The following TF variants were observed in gnomAD, a reference collection of about 807,000 sequenced individuals.
The protein encoded by TF is serotransferrin.
A neutral mutation model predicts 82.4 loss-of-function variants in TF; 55 were observed. That is an observed-to-expected ratio of 0.67 (90% confidence interval 0.54 to 0.84). TF has a LOEUF of 0.84. Ranked by LOEUF, TF falls within the 40% of genes least tolerant of loss-of-function variation. The pLI is 0.00. For synonymous variants in TF, 332 were observed against 332.6 expected, an observed-to-expected ratio of 1.00 and a Z score of 0.02; for missense variants, 737 against 868.4, an observed-to-expected ratio of 0.85 and a Z score of 1.90.
At chr3:133,738,115 C>T in the TF span, among the ~76,000 whole-genome samples, 7 of 152,092 alleles carry the variant, frequency 4.6e-5, no homozygotes, top group South Asian at 4.1e-4. Context: ...TTATCCACCA[C>T]GATCAAGTTG....
At chr3:133,752,598 A>G (rs1469802274) in intron 2 of TF, among the ~76,000 whole-genome samples, 1 of 124,304 alleles carries the variant, frequency 8.0e-6, no homozygotes, top group Non-Finnish European at 1.9e-5. Context: ...AGGCAGCTAT[A>G]ATATTTCAAG....
chr3:133,708,680 G>A, the TF span, among the ~76,000 whole-genome samples: 1 of 150,480 alleles, frequency 6.6e-6, no homozygotes, highest in Non-Finnish European at 1.5e-5. Context: ...TTTATAATGT[G>A]TGTATTTATA....
intron 13 of TF, among the ~76,000 whole-genome samples, chr3:133,770,042 A>G (rs1022007177): frequency 6.6e-6 from 1 of 152,176 alleles, no homozygotes; most frequent in African/African-American, 2.4e-5. Context: ...AACCCACAAC[A>G]TAGCAAATGC....
chr3:133,716,586 G>A, the TF span, among the ~76,000 whole-genome samples: 1 of 151,924 alleles, frequency 6.6e-6, no homozygotes. Flanking sequence ...AACCACCATC[G>A]TCTCTCCCCA....
the TF span, among the ~76,000 whole-genome samples, chr3:133,679,676 T>C: frequency 2.6e-5 from 4 of 151,240 alleles, no homozygotes; most frequent in Non-Finnish European, 5.9e-5. Context: ...TAGTACTCTA[T>C]TGAATGGCTT....
chr3:133,759,126 G>T, intron 8 of TF, 49 bp from the exon 9 acceptor site: 1 of 1,612,862 alleles, frequency 6.2e-7, no homozygotes, highest in South Asian at 1.1e-5. Context: ...ACAAACACCA[G>T]GCAACAGCTA....
upstream of TF, chr3:133,746,385 G>C (rs1472473629): frequency 1.3e-6 from 2 of 1,560,968 alleles, no homozygotes; most frequent in East Asian, 2.4e-5. Flanking sequence ...CGGGGCGCCG[G>C]AGGCTGCACA....
chr3:133,747,913 A>T (rs1426258824), intron 1 of TF, among the ~76,000 whole-genome samples: 1 of 151,778 alleles, frequency 6.6e-6, no homozygotes, highest in Non-Finnish European at 1.5e-5. Flanking sequence ...GGCCAACGAC[A>T]AGCAGGGTGA....
At chr3:133,753,516 C>T in intron 2 of TF, 79 bp from the exon 3 acceptor site, 8 of 1,271,300 alleles carry the variant, frequency 6.3e-6, no homozygotes, top group Non-Finnish European at 9.2e-6. Context: ...TCCTGGTAGC[C>T]ACTCTCTACT....
chr3:133,709,087 T>C, the TF span, among the ~76,000 whole-genome samples: 4,913 of 152,262 alleles, frequency 0.032, 275 homozygotes, highest in African/African-American at 0.11. Context: ...GAAGCCAGAA[T>C]TGATAGTGGC....
intron 13 of TF, among the ~76,000 whole-genome samples, chr3:133,769,428 A>G (rs1197292342): frequency 1.3e-5 from 2 of 152,200 alleles, no homozygotes; most frequent in African/African-American, 4.8e-5. Flanking sequence ...AGGTCATGAG[A>G]AAAGGCTCAA....
rs78045314 is a variant in TF at position 133,782,154 on chromosome 3, C to T, written c.*3534C>T. 3.9e-5 allele frequency: 6 copies of T among 151,980 alleles called. No individual in the cohort carries two copies. The highest frequency in any genetic ancestry group is 9.7e-5 in the African/African-American group (4 of 41,420). The allele number at this position is 151,980 out of a possible 1,614,324, so 9.4% of individuals were successfully genotyped here. On this transcript the variant is annotated 3_prime_UTR_variant, in exon 17 of 17. Coordinates refer to ENST00000402696, the MANE Select transcript of TF (RefSeq NM_001063.4). ...AAAGTCAAAAGATATTAATCATAAA[C>T]GTGGATAAGGGTGAAGAGAACAGAA...
chr3:133,770,592 T>C lies in TF; in HGVS notation c.1687+20T>C. On this transcript the variant is annotated intron_variant, in intron 14 of 16. Coordinates refer to ENST00000402696, the MANE Select transcript of TF (RefSeq NM_001063.4). Reference sequence around the variant, plus strand: ...CTGGGGGTAAGTGCACCTGCTCCTCTGTCCCCCTAGATCACTAGATCCTGG... The same window carrying C: ...CTGGGGGTAAGTGCACCTGCTCCTCCGTCCCCCTAGATCACTAGATCCTGG... 6.2e-7 allele frequency: 1 copy of C among 1,613,756 alleles called. No individual in the cohort carries two copies. The highest frequency in any genetic ancestry group is 2.2e-5 in the East Asian group (1 of 44,890).
At chr3:133,698,993 G>A in the TF span, among the ~76,000 whole-genome samples, 1 of 152,160 alleles carries the variant, frequency 6.6e-6, no homozygotes, top group Non-Finnish European at 1.5e-5. Flanking sequence ...GGCCATCTTG[G>A]CATGGTAATG....
At chr3:133,754,814 G>A (rs1380758632) in intron 4 of TF, 143 bp downstream of exon 4, 6 of 946,268 alleles carry the variant, frequency 6.3e-6, no homozygotes, top group African/African-American at 1.6e-5. Context: ...TAAACTGGCA[G>A]GTCTGCTGCA....
intron 14 of TF, among the ~76,000 whole-genome samples, chr3:133,771,387 G>C (rs960750615): frequency 6.6e-6 from 1 of 152,226 alleles, no homozygotes; most frequent in African/African-American, 2.4e-5. Flanking sequence ...AGGAATGATA[G>C]AGTTAGAAAA....
the TF span, among the ~76,000 whole-genome samples, chr3:133,670,350 G>T: frequency 3.9e-5 from 6 of 152,196 alleles, no homozygotes; most frequent in African/African-American, 2.4e-5. Flanking sequence ...CATCTTTGCC[G>T]TGAAGTTTTA....
chr3:133,664,124 G>T, the TF span, among the ~76,000 whole-genome samples: 2 of 152,172 alleles, frequency 1.3e-5, no homozygotes, highest in Non-Finnish European at 2.9e-5. Context: ...ATTAAGTCAG[G>T]AGCACTTGGG....
chr3:133,729,774 T>C, the TF span, among the ~76,000 whole-genome samples: 1 of 152,172 alleles, frequency 6.6e-6, no homozygotes, highest in African/African-American at 2.4e-5. Flanking sequence ...AGCTGTAGAC[T>C]GGAGCTGTTC....
Sources: gnomAD v4.1 joint callset for allele counts (sites outside exome capture counted in the v4.1 genomes callset) on GRCh38, gnomAD v4.1.1 for gene constraint, MANE v1.5 for transcripts, NCBI Gene and HGNC (gene_info 2026-07-23, HGNC 2026-07-21) for gene names.